PCDHA4: variants seen among roughly 807,000 people sequenced by gnomAD.
PCDHA4 encodes the protein protocadherin alpha 4.
Under a neutral mutation model 61.4 loss-of-function variants are expected in PCDHA4, and 49 were observed. The observed-to-expected ratio is 0.80, with a 90% CI of 0.63 to 1.01. The LOEUF (loss-of-function observed/expected upper bound fraction) is 1.01, where lower values mean the gene tolerates loss of function less well. PCDHA4 is among the 50% of genes least tolerant of loss of function. The probability of loss-of-function intolerance (pLI) is 0.00; values close to 1 mark genes in which losing one functional copy is unlikely to be tolerated. For missense variants in PCDHA4, 1,254 were observed against 1,235.8 expected (o/e 1.01, Z -0.22); for synonymous variants, 590 against 550.3 (o/e 1.07, Z -1.01).
chr5:140,894,919 T>C (rs1188144925), intron 1 of PCDHA4, among the ~76,000 whole-genome samples: 1 of 152,348 alleles, frequency 6.6e-6, no homozygotes, highest in Non-Finnish European at 1.5e-5. Context: ...TGTTGCTCTA[T>C]AGATTTCTAT....
At chr5:140,926,255 G>T (rs562420240) in intron 1 of PCDHA4, 1 of 152,224 alleles carries the variant, frequency 6.6e-6, no homozygotes, top group African/African-American at 2.4e-5. Flanking sequence ...TCACCGTCCC[G>T]CCTCTCGCCG....
At chr5:141,000,414 TATATATA>T (rs1167743190) in intron 3 of PCDHA4, among the ~76,000 whole-genome samples, 31 of 99,528 alleles carry the variant, frequency 3.1e-4, no homozygotes, top group African/African-American at 9.8e-4. Context: ...TATATATATA[TATATATA>T]TTTTTTTTTT....
intron 1 of PCDHA4, chr5:140,843,117 C>T: frequency 6.3e-7 from 1 of 1,595,860 alleles, no homozygotes; most frequent in Non-Finnish European, 8.6e-7. Context: ...GCAGTGGACG[C>T]CGACTCGGGC....
chr5:140,817,766 AT>A (rs2150099006), intron 1 of PCDHA4, among the ~76,000 whole-genome samples: 8 of 152,166 alleles, frequency 5.3e-5, no homozygotes, highest in Non-Finnish European at 1.2e-4. Context: ...AGAAATTAAC[AT>A]TTCCTTTAGT....
At chr5:140,906,995 C>T (rs1177237804) in intron 1 of PCDHA4, among the ~76,000 whole-genome samples, 1 of 152,164 alleles carries the variant, frequency 6.6e-6, no homozygotes, top group Non-Finnish European at 1.5e-5. Flanking sequence ...GCATTCCTCC[C>T]TCTGGAACTA....
In PCDHA4 at chr5:140,848,503, A is replaced by G. The variant is rs2150411513; in HGVS notation, c.2385+38931A>G. 2.1e-5 allele frequency: 33 copies of G among 1,586,850 alleles called. 4 individuals are homozygous for G. Among genetic ancestry groups the G allele is most frequent in the African/African-American group, 4.1e-5 (3 of 74,020 alleles). Reference sequence around the variant, plus strand: ...GAAGACTGAGTATTTGAAATGTTATACTCAAGTCGAGGAGATCCAGAGGGT... The same window carrying G: ...GAAGACTGAGTATTTGAAATGTTATGCTCAAGTCGAGGAGATCCAGAGGGT... On this transcript the variant is annotated intron_variant, in intron 1 of 3. Coordinates refer to ENST00000530339, the MANE Select transcript of PCDHA4 (RefSeq NM_018907.4).
At chr5:140,875,982 T>A (rs782696437) in intron 1 of PCDHA4, 7 of 1,614,008 alleles carry the variant, frequency 4.3e-6, no homozygotes, top group Non-Finnish European at 5.9e-6. Context: ...TTTTGACCTA[T>A]GCGTTAAGTC....
intron 1 of PCDHA4, chr5:140,816,924 A>G (rs1766027278): frequency 6.6e-6 from 1 of 152,074 alleles, no homozygotes; most frequent in Admixed American, 6.5e-5. Context: ...GATTCTGCTG[A>G]ATCCTATCAG....
chr5:140,821,665 G>A, intron 1 of PCDHA4: 1 of 1,236,776 alleles, frequency 8.1e-7, no homozygotes, highest in Non-Finnish European at 1.1e-6. Flanking sequence ...GCTGTGCCAA[G>A]AAGCTCAGAA....
chr5:140,869,221 A>G, intron 1 of PCDHA4: 1 of 1,613,848 alleles, frequency 6.2e-7, no homozygotes, highest in South Asian at 1.1e-5. Flanking sequence ...GGAGGAGGCC[A>G]AACACGGCAC....
At chr5:140,842,787 T>G (rs1554139371) in intron 1 of PCDHA4, 1 of 1,594,358 alleles carries the variant, frequency 6.3e-7, no homozygotes, top group African/African-American at 1.3e-5. Flanking sequence ...GAGAACGCGC[T>G]GGTGTCCTAC....
At chr5:140,810,682 C>G (rs1443400304) in intron 1 of PCDHA4, 1 of 151,610 alleles carries the variant, frequency 6.6e-6, no homozygotes, top group Non-Finnish European at 1.5e-5. Context: ...TTTTTCTCTT[C>G]TTTTTGCTTC....
intron 1 of PCDHA4, among the ~76,000 whole-genome samples, chr5:140,894,986 A>G (rs1380930076): frequency 6.6e-6 from 1 of 152,194 alleles, no homozygotes; most frequent in Non-Finnish European, 1.5e-5. Flanking sequence ...ACTTTGTGAC[A>G]TCCTTTACCC....
intron 1 of PCDHA4, among the ~76,000 whole-genome samples, chr5:140,925,484 T>C (rs1178019565): frequency 6.6e-6 from 1 of 152,066 alleles, no homozygotes; most frequent in Admixed American, 6.6e-5. Flanking sequence ...CTCATAGAAC[T>C]GATCACTGTC....
rs2879086 is a variant in PCDHA4 at position 140,808,816 on chromosome 5, A to G, written c.1629A>G (p.Pro543=). 0.54 allele frequency: 868,261 copies of G among 1,612,650 alleles called. 235,441 individuals carry two copies. The highest frequency in any genetic ancestry group is 0.7 in the African/African-American group (52,588 of 74,968). The part of the protein sequence containing the change: ...FQVTARDAGV[P]PLGSNVTLQV... The stretch of plus-strand genomic sequence containing the variant: ...TGACCGCTCGCGATGCCGGCGTGCC[A>G]CCTCTGGGCAGCAACGTGACGCTGC... The change falls in exon 1 of 4, where the codon CCA becomes CCG. Residue 543 remains proline, a synonymous_variant. Transcript: ENST00000530339.
At chr5:140,817,284 G>A (rs1412260220) in intron 1 of PCDHA4, 1 of 152,288 alleles carries the variant, frequency 6.6e-6, no homozygotes, top group Non-Finnish European at 1.5e-5. Flanking sequence ...TGTGCTGCTG[G>A]ATGGGACTAT....
At position 140,856,042 on chromosome 5, in the gene PCDHA4, G is replaced by A. The variant is rs149114226; in HGVS notation, c.2385+46470G>A. On this transcript the variant is annotated intron_variant, in intron 1 of 3. Transcript: ENST00000530339. ...TTCGTCGATTTGTAAAACAAGAGAA[G>A]GATAAGATGGTTTCCAGATGTAGCT... 68 of 1,579,466 alleles carry A rather than the reference G, an allele frequency of 4.3e-5. 8 individuals carry two copies. The Admixed American group carries it at 1.1e-3, about 26-fold the overall frequency.
intron 1 of PCDHA4, among the ~76,000 whole-genome samples, chr5:140,924,015 A>G (rs2081623207): frequency 6.6e-6 from 1 of 152,164 alleles, no homozygotes; most frequent in Admixed American, 6.5e-5. Flanking sequence ...AACCTGGTAT[A>G]ATTGGAGGCA....
At chr5:140,975,562 A>T (rs1445534188) in intron 1 of PCDHA4, among the ~76,000 whole-genome samples, 2 of 152,206 alleles carry the variant, frequency 1.3e-5, no homozygotes, top group African/African-American at 4.8e-5. Flanking sequence ...GGAAAAGGAG[A>T]TATTATATGC....
Sources: gnomAD v4.1 joint callset for allele counts (sites outside exome capture counted in the v4.1 genomes callset) on GRCh38, gnomAD v4.1.1 for gene constraint, MANE v1.5 for transcripts, NCBI Gene and HGNC (gene_info 2026-07-23, HGNC 2026-07-21) for gene names.